Variants in FBXL17 observed in about 807,000 individuals in gnomAD.
FBXL17 encodes F-box and leucine rich repeat protein 17, also known as F-box/LRR-repeat protein 17.
Under a neutral mutation model 66.2 loss-of-function variants are expected in FBXL17, and 22 were observed. The observed-to-expected ratio is 0.33, with a 90% CI of 0.24 to 0.47. The LOEUF is 0.47. Ranked by LOEUF, FBXL17 falls within the 20% of genes least tolerant of loss-of-function variation. FBXL17 has a pLI of 1.00. For synonymous variants in FBXL17, 474 were observed against 400.5 expected (o/e 1.18, Z -2.19); for missense variants, 878 against 948.2 (o/e 0.93, Z 0.97).
intron 5 of FBXL17, among the ~76,000 whole-genome samples, chr5:108,201,890 A>G (rs1449700036): frequency 6.6e-6 from 1 of 151,678 alleles, no homozygotes; most frequent in Non-Finnish European, 1.5e-5. Flanking sequence ...AACAGCTCAT[A>G]ATCTCTTTCT....
At chr5:108,067,328 A>C (rs954719931) in intron 6 of FBXL17, among the ~76,000 whole-genome samples, 1 of 152,090 alleles carries the variant, frequency 6.6e-6, no homozygotes, top group African/African-American at 2.4e-5. Flanking sequence ...GCACTATATC[A>C]TTTTGTTCCG....
intron 4 of FBXL17, among the ~76,000 whole-genome samples, chr5:108,266,161 T>G (rs575349175): frequency 6.6e-6 from 1 of 152,198 alleles, no homozygotes; most frequent in South Asian, 2.1e-4. Context: ...ATAATGCAAC[T>G]GTAAGTAAGG....
intron 4 of FBXL17, among the ~76,000 whole-genome samples, chr5:108,320,618 T>C (rs1759573962): frequency 6.6e-6 from 1 of 151,844 alleles, no homozygotes; most frequent in Admixed American, 6.6e-5. Flanking sequence ...ATTTAAACAT[T>C]TAAATCTGAG....
intron 4 of FBXL17, among the ~76,000 whole-genome samples, chr5:108,238,429 C>T (rs547469315): frequency 6.6e-6 from 1 of 152,320 alleles, no homozygotes; most frequent in African/African-American, 2.4e-5. Context: ...AAGAAGGGCA[C>T]ATGTTAAACA....
chr5:108,173,409 TAA>T (rs879460879), intron 6 of FBXL17, among the ~76,000 whole-genome samples: 1 of 151,524 alleles, frequency 6.6e-6, no homozygotes, highest in Admixed American at 6.6e-5. Context: ...AATAATAAAA[TAA>T]AAAAAAGAAA....
intron 4 of FBXL17, among the ~76,000 whole-genome samples, chr5:108,313,569 GT>G (rs1418052111): frequency 6.6e-6 from 1 of 151,966 alleles, no homozygotes; most frequent in Non-Finnish European, 1.5e-5. Context: ...TTCAGTAAGA[GT>G]TGGATAGTGG....
At chr5:108,107,811 C>CAAAAAA (rs143806373) in intron 6 of FBXL17, among the ~76,000 whole-genome samples, 1 of 120,756 alleles carries the variant, frequency 8.3e-6, no homozygotes, top group Non-Finnish European at 1.7e-5. Context: ...GACTCTGTCT[C>CAAAAAA]AAAAAAAAAA....
At chr5:107,994,451 G>A (rs147325066) in intron 7 of FBXL17, among the ~76,000 whole-genome samples, 46 of 152,062 alleles carry the variant, frequency 3.0e-4, no homozygotes, top group Non-Finnish European at 5.7e-4. Context: ...GAGGCCACAG[G>A]TAATTAATTA....
chr5:108,173,971 C>A (rs761815835), intron 6 of FBXL17, among the ~76,000 whole-genome samples: 17 of 152,156 alleles, frequency 1.1e-4, no homozygotes, highest in Non-Finnish European at 2.1e-4. Flanking sequence ...TGTGTCAAAT[C>A]TGGTTGTTAA....
intron 6 of FBXL17, among the ~76,000 whole-genome samples, chr5:108,143,825 T>C (rs73210815): frequency 0.028 from 4,278 of 151,610 alleles, 193 homozygotes; most frequent in African/African-American, 0.098. Flanking sequence ...CCATGTAAAT[T>C]TGAGAAAAGA....
At chr5:107,961,821 A>G (rs1188469256) in intron 7 of FBXL17, among the ~76,000 whole-genome samples, 3 of 152,104 alleles carry the variant, frequency 2.0e-5, no homozygotes, top group African/African-American at 4.8e-5. Flanking sequence ...TTTTATTTCA[A>G]ATGATCATGG....
intron 6 of FBXL17, among the ~76,000 whole-genome samples, chr5:108,090,327 T>A (rs989899881): frequency 1.3e-5 from 2 of 152,170 alleles, no homozygotes; most frequent in Non-Finnish European, 2.9e-5. Flanking sequence ...TTTTCTCCCT[T>A]GTATTTCCCT....
At chr5:107,880,793 T>C (rs1244527114) in intron 8 of FBXL17, 41 of 1,351,778 alleles carry the variant, frequency 3.0e-5, no homozygotes, top group Non-Finnish European at 3.9e-5. Flanking sequence ...ACTATGTATA[T>C]GATTACTTTT....
At chr5:107,880,860 A>C in intron 8 of FBXL17, 177 bp downstream of exon 8, 1 of 1,403,236 alleles carries the variant, frequency 7.1e-7, no homozygotes, top group Non-Finnish European at 9.2e-7. Flanking sequence ...AGATAATCTC[A>C]GATTAGTTTA....
chr5:107,950,986 T>C (rs1238534099), intron 7 of FBXL17, among the ~76,000 whole-genome samples: 4 of 152,194 alleles, frequency 2.6e-5, no homozygotes, highest in Non-Finnish European at 5.9e-5. Flanking sequence ...GTGACAGTCA[T>C]GGCTGGGCAT....
chr5:108,263,401 A>T (rs970609130), intron 4 of FBXL17, among the ~76,000 whole-genome samples: 2 of 152,234 alleles, frequency 1.3e-5, no homozygotes, highest in African/African-American at 4.8e-5. Context: ...ACTGCAGTAC[A>T]AGGGAATTCA....
At chr5:107,963,400 TA>T (rs1751994683) in intron 7 of FBXL17, among the ~76,000 whole-genome samples, 1 of 152,108 alleles carries the variant, frequency 6.6e-6, no homozygotes, top group Admixed American at 6.6e-5. Context: ...TCCTATAAAA[TA>T]AATGTACAGG....
intron 4 of FBXL17, among the ~76,000 whole-genome samples, chr5:108,247,001 T>C (rs1047631864): frequency 2.6e-5 from 4 of 151,902 alleles, no homozygotes; most frequent in Non-Finnish European, 4.4e-5. Flanking sequence ...TGACTGGGAG[T>C]AAATATTAAA....
Position 108,224,130 on chromosome 5 carries a change from G to C in FBXL17, c.1605C>G (p.His535Gln). ...CAGCCATAGTACCTACCTTGGTTAG[G>C]TGAATGACTCCTTTAGAAGTGACTG... ...GCSVTSKGVI[H>Q]LTKLRNLSSL... The change falls in exon 5 of 9, where the codon CAC (histidine) becomes CAG (glutamine). Residue 535 changes from histidine (H) to glutamine (Q), a missense_variant. By Grantham distance (24) the His-to-Gln change is conservative (BLOSUM62 0). Around this residue, in one of 4 missense-constraint regions of FBXL17, gnomAD observed 236 missense variants for 389.1 expected, o/e 0.61. Coordinates refer to ENST00000542267, the MANE Select transcript of FBXL17 (RefSeq NM_001163315.3). 1 of 1,592,370 alleles carries C rather than the reference G, an allele frequency of 6.3e-7. No individual in the cohort carries two copies. The highest frequency in any genetic ancestry group is 8.6e-7 in the Non-Finnish European group (1 of 1,162,250).
Sources: allele counts gnomAD v4.1 joint callset (sites outside exome capture counted in the v4.1 genomes callset), GRCh38; gene constraint gnomAD v4.1.1; regional missense constraint gnomAD v4.1.1; transcripts MANE v1.5; gene names NCBI Gene and HGNC (gene_info 2026-07-23, HGNC 2026-07-21).